Variants in RASA2 observed in about 807,000 individuals in gnomAD.
The protein encoded by RASA2 is RAS p21 protein activator 2.
RASA2 carries 155 observed loss-of-function variants against 118.2 expected under a neutral mutation model. The ratio of observed to expected loss-of-function variants is 1.31; its 90% CI spans 1.15 to 1.50. The LOEUF (loss-of-function observed/expected upper bound fraction) is 1.50, where lower values mean the gene tolerates loss of function less well. RASA2 is among the 40% of genes most tolerant of loss of function. The pLI is 0.00. For missense variants in RASA2, 1,016 were observed against 1,009.6 expected (o/e 1.01, Z -0.09); for synonymous variants, 353 against 349.1 (o/e 1.01, Z -0.12).
At chr3:141,512,646 C>T (rs772444126) in intron 2 of RASA2, among the ~76,000 whole-genome samples, 3 of 152,092 alleles carry the variant, frequency 2.0e-5, no homozygotes, top group Non-Finnish European at 4.4e-5. Flanking sequence ...AGTGTAATTG[C>T]CCTTTGAGAG....
rs549257348 is a variant in RASA2, at chr3:141,598,974, G to C, written c.1934-8704G>C. Among the ~76,000 whole-genome samples the C allele has an allele frequency of 2.6e-5, 4 of 152,088 alleles. No individual in the cohort carries two copies. In the South Asian group the frequency reaches 8.3e-4, roughly 32 times the overall value. Reference sequence around the variant, plus strand: ...GTCGTGGTGCATGCCTGTAATCCCAGTTACTCGGGAGGCTGAGACAGGAGA... The same window carrying C: ...GTCGTGGTGCATGCCTGTAATCCCACTTACTCGGGAGGCTGAGACAGGAGA... On this transcript the variant is annotated intron_variant, in intron 19 of 23. Coordinates refer to ENST00000286364, the MANE Select transcript of RASA2 (RefSeq NM_006506.5).
At chr3:141,567,522 T>C (rs1478959430) in intron 9 of RASA2, among the ~76,000 whole-genome samples, 2 of 152,232 alleles carry the variant, frequency 1.3e-5, no homozygotes, top group African/African-American at 2.4e-5. Context: ...TAAAATGCAT[T>C]TTAATGTATT....
intron 19 of RASA2, among the ~76,000 whole-genome samples, chr3:141,594,818 C>T (rs1419515099): frequency 6.6e-6 from 1 of 150,792 alleles, no homozygotes; most frequent in Admixed American, 6.6e-5. Context: ...CTTAGATCTA[C>T]AAGGAGTAAA....
chr3:141,504,806 C>T (rs989452460), intron 1 of RASA2, among the ~76,000 whole-genome samples: 1 of 152,124 alleles, frequency 6.6e-6, no homozygotes, highest in African/African-American at 2.4e-5. Context: ...CCTCCCATAC[C>T]CTTACTCCAT....
intron 19 of RASA2, among the ~76,000 whole-genome samples, chr3:141,597,726 C>CA (rs1432911076): frequency 6.6e-6 from 1 of 151,064 alleles, no homozygotes; most frequent in Non-Finnish European, 1.5e-5. Flanking sequence ...TGAAGAATGG[C>CA]AAAAATAAAG....
At chr3:141,553,639 G>A (rs774990481) in intron 5 of RASA2, among the ~76,000 whole-genome samples, 3 of 152,104 alleles carry the variant, frequency 2.0e-5, no homozygotes, top group Non-Finnish European at 2.9e-5. Context: ...TTCCTGTTTA[G>A]TCTCATTTTG....
At chr3:141,521,483 GTC>G (rs2082110530) in intron 3 of RASA2, among the ~76,000 whole-genome samples, 1 of 152,062 alleles carries the variant, frequency 6.6e-6, no homozygotes, top group Non-Finnish European at 1.5e-5. Flanking sequence ...AGTAATTTTC[GTC>G]TCTTTACATG....
intron 7 of RASA2, among the ~76,000 whole-genome samples, chr3:141,558,214 GA>G (rs2082677187): frequency 6.6e-6 from 1 of 152,156 alleles, no homozygotes; most frequent in African/African-American, 2.4e-5. Context: ...ATGAACAAAG[GA>G]GATAATGCAT....
chr3:141,573,059 A>G, intron 12 of RASA2, 88 bp from the exon 13 acceptor site: 2 of 1,159,424 alleles, frequency 1.7e-6, no homozygotes, highest in Non-Finnish European at 1.2e-6. Flanking sequence ...AATTTCTATA[A>G]TTAACTTTTA....
At chr3:141,578,693 T>G (rs963205288) in intron 15 of RASA2, 7 of 152,196 alleles carry the variant, frequency 4.6e-5, no homozygotes, top group African/African-American at 1.4e-4. Context: ...CACAGAACTC[T>G]GAGGCAGTGA....
At chr3:141,498,861 T>C (rs576478302) in intron 1 of RASA2, among the ~76,000 whole-genome samples, 12 of 152,322 alleles carry the variant, frequency 7.9e-5, no homozygotes, top group Admixed American at 7.2e-4. Flanking sequence ...ATAGGTACCA[T>C]TGGCTTAGCC....
intron 3 of RASA2, among the ~76,000 whole-genome samples, chr3:141,519,388 A>G (rs1242232209): frequency 6.6e-6 from 1 of 152,062 alleles, no homozygotes; most frequent in African/African-American, 2.4e-5. Flanking sequence ...GTTTATTGGT[A>G]TTTACATTTT....
At chr3:141,546,510 A>C (rs1016852134) in intron 5 of RASA2, among the ~76,000 whole-genome samples, 2 of 152,052 alleles carry the variant, frequency 1.3e-5, no homozygotes, top group Admixed American at 6.5e-5. Flanking sequence ...ATTTATTCAG[A>C]TCTTTTGCTC....
chr3:141,487,586 CA>C (rs1406169037), intron 1 of RASA2, among the ~76,000 whole-genome samples: 1 of 151,864 alleles, frequency 6.6e-6, no homozygotes, highest in Non-Finnish European at 1.5e-5. Context: ...CGGCCGCCCT[CA>C]GACTCAGGCC....
intron 2 of RASA2, among the ~76,000 whole-genome samples, chr3:141,514,873 A>G (rs2082000192): frequency 1.3e-5 from 2 of 152,238 alleles, no homozygotes; most frequent in Admixed American, 6.5e-5. Context: ...AAAAAATCTC[A>G]TAGACATTAA....
intron 3 of RASA2, among the ~76,000 whole-genome samples, chr3:141,519,064 C>G (rs1324766559): frequency 2.0e-5 from 3 of 152,124 alleles, no homozygotes; most frequent in Non-Finnish European, 2.9e-5. Context: ...TTTTGCATGT[C>G]TCTTTTTCCC....
chr3:141,519,352 G>T (rs1055946306), intron 3 of RASA2, among the ~76,000 whole-genome samples: 1 of 152,122 alleles, frequency 6.6e-6, no homozygotes, highest in Non-Finnish European at 1.5e-5. Flanking sequence ...TTCTGATTTT[G>T]AAGGAATTTG....
chr3:141,592,341 A>G (rs1322178714), intron 19 of RASA2, among the ~76,000 whole-genome samples: 1 of 152,180 alleles, frequency 6.6e-6, no homozygotes, highest in Non-Finnish European at 1.5e-5. Context: ...GCATGCCTGG[A>G]GTGTTAAAGA....
At chr3:141,590,333 A>G (rs144213137) in intron 19 of RASA2, among the ~76,000 whole-genome samples, 74 of 152,272 alleles carry the variant, frequency 4.9e-4, no homozygotes, top group African/African-American at 1.5e-3. Flanking sequence ...CGCTTTATAC[A>G]GTTTTTCTGT....
Sources: allele counts gnomAD v4.1 joint callset (sites outside exome capture counted in the v4.1 genomes callset), GRCh38; gene constraint gnomAD v4.1.1; transcripts MANE v1.5; gene names NCBI Gene and HGNC (gene_info 2026-07-23, HGNC 2026-07-21).